Variants in TIAM1 observed in about 807,000 individuals in gnomAD.
The protein encoded by TIAM1 is TIAM Rac1 associated GEF 1.
A neutral mutation model predicts 163.5 loss-of-function variants in TIAM1; 65 were observed. The ratio of observed to expected loss-of-function variants is 0.40; its 90% CI spans 0.33 to 0.49. The LOEUF is 0.49. Among genes scored for constraint, TIAM1 ranks in the 20% least tolerant of loss-of-function variants. The pLI is 0.77. For missense variants in TIAM1, 1,789 were observed against 2,044.7 expected, an observed-to-expected ratio of 0.87 and a Z score of 2.41; for synonymous variants, 833 against 810.1, an observed-to-expected ratio of 1.03 and a Z score of -0.48.
intron 2 of TIAM1, among the ~76,000 whole-genome samples, chr21:31,319,889 T>C (rs1366845465): frequency 6.6e-6 from 1 of 152,104 alleles, no homozygotes; most frequent in African/African-American, 2.4e-5. Context: ...CATCTTTTCA[T>C]GTGCTAATTT....
At position 31,440,392 on chromosome 21, in the gene TIAM1, A is replaced by G. The variant is rs557016679; in HGVS notation, c.-369+23591T>C. ...GGAATTAAGAAAATCTGATCACCAC[A>G]CTGCTGACTCCCCCAGTCCCCAAAT... On this transcript the variant is annotated intron_variant, in intron 2 of 28. Coordinates refer to the TIAM1 transcript ENST00000286827. Among the ~76,000 whole-genome samples, 8 of 152,326 alleles carry G rather than the reference A, an allele frequency of 5.3e-5. No individual in the cohort carries two copies. In the South Asian group the frequency reaches 1.7e-3, roughly 32 times the overall value.
At chr21:31,341,125 C>T (rs1210794786) in intron 1 of TIAM1, among the ~76,000 whole-genome samples, 36 of 152,168 alleles carry the variant, frequency 2.4e-4, no homozygotes, top group Admixed American at 2.3e-3. Context: ...AATCGTTACA[C>T]TGAAAACACT....
chr21:31,404,427 A>G (rs1165313507), intron 2 of TIAM1, among the ~76,000 whole-genome samples: 1 of 152,180 alleles, frequency 6.6e-6, no homozygotes, highest in East Asian at 1.9e-4. Context: ...ACAGTCTTAG[A>G]CAGAGGTTCT....
chr21:31,190,643 C>T (rs1426155628), intron 13 of TIAM1, among the ~76,000 whole-genome samples: 1 of 152,134 alleles, frequency 6.6e-6, no homozygotes, highest in Non-Finnish European at 1.5e-5. Flanking sequence ...TGAAATGACG[C>T]ATCCTTCTAC....
chr21:31,475,414 A>C (rs2045907495), intron 1 of TIAM1, among the ~76,000 whole-genome samples: 2 of 152,180 alleles, frequency 1.3e-5, no homozygotes, highest in Non-Finnish European at 2.9e-5. Flanking sequence ...CGTCCTCTTC[A>C]TCAGCTACAT....
Position 31,135,938 on chromosome 21 carries a change from G to A in TIAM1, c.3878C>T (p.Ala1293Val). The change falls in exon 23 of 28, where the codon GCA becomes GTA. Residue 1293 changes from alanine to valine, a missense_variant. Around this residue, in one of 5 missense-constraint regions of TIAM1, gnomAD observed 415 missense variants for 439.2 expected, o/e 0.94. Transcript: ENST00000541036. ...GKWKKEPELA[A>V]FVFKTAVVLV... The stretch of plus-strand genomic sequence containing the variant: ...AACGCTTTTCTGATACACACCGAAT[G>A]CTGCCAACTCTGGTTCCTTTTTCCA... 6.2e-7 allele frequency: 1 copy of A among 1,614,102 alleles called. No homozygotes were observed. Among genetic ancestry groups the A allele is most frequent in the Non-Finnish European group, 8.5e-7 (1 of 1,179,972 alleles).
intron 8 of TIAM1, among the ~76,000 whole-genome samples, chr21:31,220,959 C>T (rs570796536): frequency 2.0e-5 from 3 of 152,214 alleles, no homozygotes; most frequent in Non-Finnish European, 4.4e-5. Flanking sequence ...GGGAAGCTTT[C>T]TCAGTGAATG....
At chr21:31,229,655 C>A (rs539973960) in intron 6 of TIAM1, among the ~76,000 whole-genome samples, 1 of 148,400 alleles carries the variant, frequency 6.7e-6, no homozygotes, top group African/African-American at 2.6e-5. Context: ...TCTTCACCCC[C>A]CCTTTTTTTT....
chr21:31,243,612 C>T (rs2071339617), intron 6 of TIAM1, among the ~76,000 whole-genome samples: 1 of 151,966 alleles, frequency 6.6e-6, no homozygotes, highest in African/African-American at 2.4e-5. Flanking sequence ...CTACTAGTAC[C>T]CACAACAATT....
Position 31,222,455 on chromosome 21 carries a change from C to T in TIAM1, c.1995+951G>A, listed in dbSNP as rs1011454867. 1.3e-4 allele frequency among the ~76,000 whole-genome samples: 20 copies of T among 151,990 alleles called. No individual in the cohort carries two copies. The East Asian group carries it at 3.3e-3, about 25-fold the overall frequency. ...CACACAACACAACTATACAATCTGC[C>T]GCTCTAGAGGTCAGATGGAAATTCC... On this transcript the variant is annotated intron_variant, in intron 8 of 27. Transcript: ENST00000541036.
intron 2 of TIAM1, among the ~76,000 whole-genome samples, chr21:31,374,249 A>C (rs1021446108): frequency 6.6e-6 from 1 of 152,194 alleles, no homozygotes; most frequent in Admixed American, 6.5e-5. Flanking sequence ...GGGCGATCCC[A>C]TAAAACAGAT....
Position 31,165,058 on chromosome 21 carries a change from G to C in TIAM1, c.2895C>G (p.Ser965Arg), listed in dbSNP as rs1238444654. 5 of 1,613,728 alleles carry C rather than the reference G, an allele frequency of 3.1e-6. No homozygotes were observed. Among genetic ancestry groups the C allele is most frequent in the African/African-American group, 1.3e-5 (1 of 74,924 alleles). Residue 965 changes from serine (S) to arginine (R), a missense_variant, in exon 16 of 28, where the codon AGC becomes AGG. Physicochemically the swap from Ser to Arg is moderately radical, Grantham distance 110 (BLOSUM62 -1). Transcript: ENST00000541036. Reference protein sequence around the residue: ...LAFLTSNPGHSLCSEQGSSAE... With the variant: ...LAFLTSNPGHRLCSEQGSSAE... ...CACTGCTGCCCTGCTCGCTGCAAAG[G>C]CTGTGCCCTGTCAGATGAAATCAGA...
chr21:31,271,663 A>G (rs555316232), intron 3 of TIAM1, among the ~76,000 whole-genome samples: 2 of 144,896 alleles, frequency 1.4e-5, no homozygotes, highest in East Asian at 4.3e-4. Flanking sequence ...TTGGAGCTGC[A>G]GTGCAGAGGT....
chr21:31,255,435 G>A (rs1446182399), intron 4 of TIAM1, among the ~76,000 whole-genome samples: 1 of 152,174 alleles, frequency 6.6e-6, no homozygotes, highest in Non-Finnish European at 1.5e-5. Context: ...AGCCAGAGGT[G>A]CTACTCAACA....
At chr21:31,557,437 GC>G (rs1368598407) in intron 1 of TIAM1, among the ~76,000 whole-genome samples, 1 of 152,074 alleles carries the variant, frequency 6.6e-6, no homozygotes, top group Non-Finnish European at 1.5e-5. Context: ...TTTAAGCCCC[GC>G]CCCCCTAGAG....
intron 2 of TIAM1, among the ~76,000 whole-genome samples, chr21:31,296,521 T>C (rs974856715): frequency 2.0e-5 from 3 of 152,196 alleles, no homozygotes; most frequent in African/African-American, 7.2e-5. Context: ...ATCTGCAAGA[T>C]AATCCACAAG....
At chr21:31,513,883 T>C (rs1225626195) in intron 1 of TIAM1, among the ~76,000 whole-genome samples, 3 of 152,066 alleles carry the variant, frequency 2.0e-5, no homozygotes, top group Admixed American at 2.0e-4. Context: ...GGCATATGCC[T>C]GTAATCCCAG....
At chr21:31,450,264 A>C (rs1322173394) in intron 2 of TIAM1, among the ~76,000 whole-genome samples, 1 of 152,162 alleles carries the variant, frequency 6.6e-6, no homozygotes, top group South Asian at 2.1e-4. Context: ...TTCCCTACAG[A>C]AACAACAGTG....
At chr21:31,146,061 C>A (rs564459323) in intron 20 of TIAM1, among the ~76,000 whole-genome samples, 1 of 152,112 alleles carries the variant, frequency 6.6e-6, no homozygotes, top group Non-Finnish European at 1.5e-5. Context: ...ATTTCTAAAC[C>A]CCCTACGTTT....
Sources: allele counts gnomAD v4.1 joint callset (sites outside exome capture counted in the v4.1 genomes callset), GRCh38; gene constraint gnomAD v4.1.1; regional missense constraint gnomAD v4.1.1; transcripts MANE v1.5; gene names NCBI Gene and HGNC (gene_info 2026-07-23, HGNC 2026-07-21).